Variants in DCC observed in about 807,000 individuals in gnomAD.
DCC encodes the protein DCC netrin 1 receptor, also known as netrin receptor DCC.
A neutral mutation model predicts 172.5 loss-of-function variants in DCC; 58 were observed. That is an observed-to-expected ratio of 0.34 (90% CI 0.27 to 0.42). DCC has a LOEUF of 0.42. Among genes scored for constraint, DCC ranks in the 10% least tolerant of loss-of-function variants. DCC has a pLI of 1.00. For synonymous variants in DCC, 709 were observed against 644.5 expected, an observed-to-expected ratio of 1.10 and a Z score of -1.52; for missense variants, 1,740 against 1,791.0, an observed-to-expected ratio of 0.97 and a Z score of 0.51.
intron 7 of DCC, among the ~76,000 whole-genome samples, chr18:53,121,074 T>C (rs537986646): frequency 6.6e-6 from 1 of 151,968 alleles, no homozygotes; most frequent in East Asian, 1.9e-4. Context: ...TAGATTGCTG[T>C]GAAATCTGGT....
rs1045114021 is a variant in DCC at position 53,497,450 on chromosome 18, G to A, written c.3899-1848G>A. Among the ~76,000 whole-genome samples, 9 of 152,164 alleles carry A rather than the reference G, an allele frequency of 5.9e-5. No individual in the cohort carries two copies. The East Asian group carries it at 1.7e-3, about 29-fold the overall frequency. ...CACATTAAGGTAAACTTTCTTATGGGAACAAAGAGTGAGGAGAGGACTTGA... is the reference window on the plus strand; with the variant it reads ...CACATTAAGGTAAACTTTCTTATGGAAACAAAGAGTGAGGAGAGGACTTGA... On this transcript the variant is annotated intron_variant, in intron 26 of 28. Transcript: ENST00000442544.
At chr18:53,502,804 G>A (rs1230465670) in intron 27 of DCC, among the ~76,000 whole-genome samples, 1 of 151,876 alleles carries the variant, frequency 6.6e-6, no homozygotes, top group African/African-American at 2.4e-5. Context: ...CAAGGAAGAA[G>A]CTCTTTCCCC....
chr18:53,330,381 G>T (rs2057517767), intron 14 of DCC, among the ~76,000 whole-genome samples: 1 of 151,966 alleles, frequency 6.6e-6, no homozygotes, highest in African/African-American at 2.4e-5. Context: ...CAATCACCAA[G>T]ATCTGTAATT....
At chr18:52,583,836 A>G (rs2033611286) in intron 1 of DCC, among the ~76,000 whole-genome samples, 3 of 152,346 alleles carry the variant, frequency 2.0e-5, no homozygotes, top group Admixed American at 2.0e-4. Flanking sequence ...GGGCCTCTAA[A>G]TATAACTCAC....
Position 52,856,351 on chromosome 18 carries a change from C to T in DCC, c.413-49693C>T, listed in dbSNP as rs530867779. 3.3e-5 allele frequency among the ~76,000 whole-genome samples: 5 copies of T among 151,788 alleles called. No homozygotes were observed. In the East Asian group the frequency reaches 5.9e-4, roughly 18 times the overall value. Reference sequence around the variant, plus strand: ...AGCTAATTAAGAGAGCAAGGCCGGGCGCGGTGGCTCACGCCTGTAATCTCA... The same window carrying T: ...AGCTAATTAAGAGAGCAAGGCCGGGTGCGGTGGCTCACGCCTGTAATCTCA... On this transcript the variant is annotated intron_variant, in intron 2 of 28. Coordinates refer to ENST00000442544, the MANE Select transcript of DCC (RefSeq NM_005215.4).
intron 12 of DCC, among the ~76,000 whole-genome samples, chr18:53,224,251 G>A (rs2055988931): frequency 1.3e-5 from 2 of 152,122 alleles, no homozygotes; most frequent in South Asian, 4.1e-4. Flanking sequence ...AATAGAAAAG[G>A]ATCAGCTTTG....
chr18:52,501,158 C>T (rs2031002838), intron 1 of DCC, among the ~76,000 whole-genome samples: 1 of 152,090 alleles, frequency 6.6e-6, no homozygotes, highest in Non-Finnish European at 1.5e-5. Context: ...AGATTTTGCT[C>T]ATCAGTTTCT....
At chr18:52,493,981 T>C (rs1300937117) in intron 1 of DCC, among the ~76,000 whole-genome samples, 1 of 152,126 alleles carries the variant, frequency 6.6e-6, no homozygotes, top group Admixed American at 6.6e-5. Context: ...TCCTTCTGCT[T>C]AAAGAACTGT....
chr18:53,167,813 G>C (rs1317043642), intron 8 of DCC, among the ~76,000 whole-genome samples: 2 of 152,112 alleles, frequency 1.3e-5, no homozygotes, highest in East Asian at 1.9e-4. Context: ...ACACAAAAGA[G>C]AGCATTTAAT....
At chr18:53,087,196 G>T (rs1334306751) in intron 7 of DCC, among the ~76,000 whole-genome samples, 1 of 152,094 alleles carries the variant, frequency 6.6e-6, no homozygotes, top group South Asian at 2.1e-4. Context: ...CACCATGGTT[G>T]AACTAGTTTA....
chr18:52,643,093 AAT>A (rs1390987798), intron 1 of DCC, among the ~76,000 whole-genome samples: 21 of 152,342 alleles, frequency 1.4e-4, no homozygotes, highest in Admixed American at 1.4e-3. Flanking sequence ...AGGAAACTTT[AAT>A]GCCAAGAGAA....
At chr18:53,024,435 A>G (rs573622708) in intron 5 of DCC, among the ~76,000 whole-genome samples, 1 of 152,270 alleles carries the variant, frequency 6.6e-6, no homozygotes, top group East Asian at 1.9e-4. Flanking sequence ...TACTGTAAAT[A>G]TGTTACATTT....
chr18:53,323,498 C>T (rs1164559397), intron 14 of DCC, among the ~76,000 whole-genome samples: 1 of 152,170 alleles, frequency 6.6e-6, no homozygotes, highest in Non-Finnish European at 1.5e-5. Context: ...AACTAAGAAA[C>T]ACTTGGTTCT....
intron 12 of DCC, among the ~76,000 whole-genome samples, chr18:53,262,512 G>C (rs2056618628): frequency 6.6e-6 from 1 of 152,190 alleles, no homozygotes; most frequent in South Asian, 2.1e-4. Flanking sequence ...TTTCAGAAGA[G>C]ATAATGTTTG....
At chr18:52,601,807 T>C (rs1321969628) in intron 1 of DCC, among the ~76,000 whole-genome samples, 2 of 152,112 alleles carry the variant, frequency 1.3e-5, no homozygotes, top group Non-Finnish European at 2.9e-5. Flanking sequence ...TTTGCTTCCG[T>C]CTTATGCAGG....
At chr18:52,651,179 T>C (rs1285596741) in intron 1 of DCC, among the ~76,000 whole-genome samples, 2 of 152,178 alleles carry the variant, frequency 1.3e-5, no homozygotes, top group East Asian at 3.8e-4. Flanking sequence ...TATTTATTTT[T>C]TGAGAGTAGG....
chr18:52,406,115 C>T (rs1336584712), intron 1 of DCC, among the ~76,000 whole-genome samples: 1 of 146,362 alleles, frequency 6.8e-6, no homozygotes, highest in African/African-American at 2.5e-5. Flanking sequence ...AACTGGCTAG[C>T]CATATGTAGA....
rs117542867 is a variant in DCC, at chr18:53,043,437, T to C, written c.986-19868T>C. ...TGTAACAAACCACATTCTGCACATA[T>C]ATCCCAGAACTTAAAATATAATGAA... On this transcript the variant is annotated intron_variant, in intron 5 of 28. Transcript: ENST00000442544. Among the ~76,000 whole-genome samples, 305 of 151,968 alleles carry C rather than the reference T, an allele frequency of 2.0e-3. 8 individuals are homozygous for C. The highest frequency in any genetic ancestry group is 4.3e-3 in the East Asian group (22 of 5,146).
intron 1 of DCC, among the ~76,000 whole-genome samples, chr18:52,679,686 C>A (rs1389122101): frequency 6.6e-6 from 1 of 152,126 alleles, no homozygotes; most frequent in African/African-American, 2.4e-5. Flanking sequence ...CCTTATGAAA[C>A]TTCCTGGCAG....
Sources: gnomAD v4.1 joint callset for allele counts (sites outside exome capture counted in the v4.1 genomes callset) on GRCh38, gnomAD v4.1.1 for gene constraint, MANE v1.5 for transcripts, NCBI Gene and HGNC (gene_info 2026-07-23, HGNC 2026-07-21) for gene names.